ST6GALNAC5: variants seen among roughly 807,000 people sequenced by gnomAD.
The protein encoded by ST6GALNAC5 is alpha-N-acetylgalactosaminide alpha-2,6-sialyltransferase 5.
Under a neutral mutation model 33.6 loss-of-function variants are expected in ST6GALNAC5, and 27 were observed. The ratio of observed to expected loss-of-function variants is 0.80; its 90% CI spans 0.59 to 1.11. The LOEUF (loss-of-function observed/expected upper bound fraction) is 1.11. Ranked by LOEUF, ST6GALNAC5 falls within the 50% of genes least tolerant of loss-of-function variation. ST6GALNAC5 has a pLI of 0.00. For missense variants in ST6GALNAC5, 428 were observed against 454.0 expected (o/e 0.94, Z 0.52); for synonymous variants, 194 against 171.2 (o/e 1.13, Z -1.04).
At chr1:77,032,412 G>A (rs1328259075) in intron 2 of ST6GALNAC5, among the ~76,000 whole-genome samples, 1 of 152,170 alleles carries the variant, frequency 6.6e-6, no homozygotes, top group East Asian at 1.9e-4. Context: ...ACCAGGGGTG[G>A]AGTCAGGGGA....
At chr1:76,968,579 C>T (rs186251921) in intron 2 of ST6GALNAC5, among the ~76,000 whole-genome samples, 33 of 152,296 alleles carry the variant, frequency 2.2e-4, no homozygotes, top group Admixed American at 1.8e-3. Context: ...AGCCCATTTA[C>T]AGTTAAGGTT....
At chr1:76,914,095 T>A (rs967324036) in intron 2 of ST6GALNAC5, among the ~76,000 whole-genome samples, 3 of 152,018 alleles carry the variant, frequency 2.0e-5, no homozygotes, top group Non-Finnish European at 4.4e-5. Context: ...CACAATTGCT[T>A]CAAAGAGAAT....
chr1:76,962,257 T>C (rs1039174570), intron 2 of ST6GALNAC5, among the ~76,000 whole-genome samples: 2 of 152,178 alleles, frequency 1.3e-5, no homozygotes, highest in Non-Finnish European at 2.9e-5. Context: ...TGTCTGAAAG[T>C]AGTGTTCATT....
chr1:76,987,978 A>G (rs1304151741), intron 2 of ST6GALNAC5, among the ~76,000 whole-genome samples: 1 of 152,102 alleles, frequency 6.6e-6, no homozygotes, highest in East Asian at 1.9e-4. Context: ...CCAAACTTTT[A>G]GATTTCTCTT....
At chr1:76,962,440 G>T (rs77034560) in intron 2 of ST6GALNAC5, among the ~76,000 whole-genome samples, 2,391 of 152,306 alleles carry the variant, frequency 0.016, 58 homozygotes, top group African/African-American at 0.055. Flanking sequence ...AAAGCTCAAT[G>T]ACTGTATGTG....
At chr1:77,055,738 C>T (rs536205382) in intron 4 of ST6GALNAC5, among the ~76,000 whole-genome samples, 1 of 152,168 alleles carries the variant, frequency 6.6e-6, no homozygotes, top group Non-Finnish European at 1.5e-5. Context: ...TCTGCCTTGC[C>T]CCATCTCACT....
intron 2 of ST6GALNAC5, among the ~76,000 whole-genome samples, chr1:76,873,276 C>G (rs766576740): frequency 2.6e-5 from 4 of 152,178 alleles, no homozygotes; most frequent in East Asian, 1.9e-4. Flanking sequence ...TTAACTAGCC[C>G]CTCCTCAACA....
At chr1:76,937,593 G>A (rs1035023373) in intron 2 of ST6GALNAC5, among the ~76,000 whole-genome samples, 1 of 152,038 alleles carries the variant, frequency 6.6e-6, no homozygotes, top group African/African-American at 2.4e-5. Flanking sequence ...AAGGAAGGAT[G>A]GAAAATGGAT....
rs78866160 is a variant in ST6GALNAC5 at position 76,992,872 on chromosome 1, T to C, written c.262-51332T>C. ...TTCCTGTGTATTTCCCAAAACAGTA[T>C]GCACACACTTGCATTTGCAGGTTAG... On this transcript the variant is annotated intron_variant, in intron 2 of 4. Coordinates refer to ENST00000477717, the MANE Select transcript of ST6GALNAC5 (RefSeq NM_030965.3). Among the ~76,000 whole-genome samples, 810 of 152,324 alleles carry C rather than the reference T, an allele frequency of 5.3e-3. 4 individuals are homozygous for C. The highest frequency in any genetic ancestry group is 9.4e-3 in the Non-Finnish European group (638 of 68,024).
intron 2 of ST6GALNAC5, among the ~76,000 whole-genome samples, chr1:76,977,975 C>G (rs1432110593): frequency 1.3e-5 from 2 of 152,194 alleles, no homozygotes; most frequent in Non-Finnish European, 2.9e-5. Context: ...TCCACATTCT[C>G]TCCAGCATTT....
At chr1:76,940,815 C>G (rs1232378759) in intron 2 of ST6GALNAC5, among the ~76,000 whole-genome samples, 1 of 152,060 alleles carries the variant, frequency 6.6e-6, no homozygotes, top group African/African-American at 2.4e-5. Context: ...TTGGAGTGTA[C>G]TGATTTTGCC....
At chr1:76,870,265 G>A (rs1238079133) in intron 2 of ST6GALNAC5, among the ~76,000 whole-genome samples, 1 of 152,236 alleles carries the variant, frequency 6.6e-6, no homozygotes, top group African/African-American at 2.4e-5. Context: ...ATTAGCTTCT[G>A]ACTGTAGATG....
chr1:76,904,102 A>G (rs1646842401), intron 2 of ST6GALNAC5, among the ~76,000 whole-genome samples: 1 of 152,254 alleles, frequency 6.6e-6, no homozygotes, highest in South Asian at 2.1e-4. Context: ...TAACCAGCAT[A>G]GGCCCAGGCC....
At chr1:77,032,564 G>A (rs1651498671) in intron 2 of ST6GALNAC5, among the ~76,000 whole-genome samples, 1 of 152,048 alleles carries the variant, frequency 6.6e-6, no homozygotes, top group East Asian at 1.9e-4. Flanking sequence ...TGTAACAATT[G>A]AGCCATAATA....
Position 77,021,324 on chromosome 1 carries a change from A to G in ST6GALNAC5, c.262-22880A>G, listed in dbSNP as rs148352887. 1.3e-3 allele frequency among the ~76,000 whole-genome samples: 199 copies of G among 152,306 alleles called. 1 individual carries two copies. The highest frequency in any genetic ancestry group is 4.4e-3 in the African/African-American group (182 of 41,570). On this transcript the variant is annotated intron_variant, in intron 2 of 4. Transcript: ENST00000477717. ...ACCAAATTGGTTGGGGGCAGGGGGT[A>G]TGTTGCTTTTATTGTTTCCAAGATG...
In ST6GALNAC5 at chr1:76,903,424, C is replaced by T. The variant is rs530020419; in HGVS notation, c.261+34682C>T. On this transcript the variant is annotated intron_variant, in intron 2 of 4. Transcript: ENST00000477717. The stretch of plus-strand genomic sequence containing the variant: ...GTGGAAAGAAATTAGATCTCTCATA[C>T]ATTGCTGGTGAAAATGTAAAATGAT... Among the ~76,000 whole-genome samples the T allele has an allele frequency of 3.8e-4, 58 of 152,276 alleles. No homozygotes were observed. In the South Asian group the frequency reaches 0.011, roughly 30 times the overall value.
At chr1:77,053,525 T>C (rs1290628430) in intron 4 of ST6GALNAC5, among the ~76,000 whole-genome samples, 1 of 152,158 alleles carries the variant, frequency 6.6e-6, no homozygotes. Flanking sequence ...TGGATAAAAA[T>C]AGCCATTTCT....
intron 3 of ST6GALNAC5, among the ~76,000 whole-genome samples, chr1:77,048,443 CT>C (rs1652088450): frequency 6.6e-6 from 1 of 152,196 alleles, no homozygotes; most frequent in Non-Finnish European, 1.5e-5. Flanking sequence ...AAAACAGCTT[CT>C]AACTTAAGGG....
At chr1:76,915,137 A>T (rs1486165718) in intron 2 of ST6GALNAC5, among the ~76,000 whole-genome samples, 2 of 151,822 alleles carry the variant, frequency 1.3e-5, no homozygotes, top group Non-Finnish European at 2.9e-5. Flanking sequence ...TCAAAACCAC[A>T]ATGAGATACC....
Sources: allele counts gnomAD v4.1 joint callset (sites outside exome capture counted in the v4.1 genomes callset), GRCh38; gene constraint gnomAD v4.1.1; transcripts MANE v1.5; gene names NCBI Gene and HGNC (gene_info 2026-07-23, HGNC 2026-07-21).